The following PRPF40B variants were observed in gnomAD, a reference collection of about 807,000 sequenced individuals.
The protein encoded by PRPF40B is pre-mRNA processing factor 40B.
A neutral mutation model predicts 124.5 loss-of-function variants in PRPF40B; 56 were observed. The observed-to-expected ratio is 0.45, with a 90% CI of 0.36 to 0.56. The LOEUF (loss-of-function observed/expected upper bound fraction) is 0.56. Ranked by LOEUF, PRPF40B falls within the 20% of genes least tolerant of loss-of-function variation. PRPF40B has a pLI of 0.00. For missense variants in PRPF40B, 1,053 were observed against 1,169.5 expected (o/e 0.90, Z 1.45); for synonymous variants, 443 against 426.4 (o/e 1.04, Z -0.48).
chr12:49,643,088 CTTACAA>C, intron 22 of PRPF40B, 72 bp downstream of exon 22: 2 of 1,591,936 alleles, frequency 1.3e-6, no homozygotes, highest in Non-Finnish European at 8.6e-7. Context: ...TTGTTTTCCC[CTTACAA>C]TATCTCCCTT....
At chr12:49,628,687 C>T (rs567061407) in intron 1 of PRPF40B, among the ~76,000 whole-genome samples, 5 of 152,096 alleles carry the variant, frequency 3.3e-5, no homozygotes, top group East Asian at 3.9e-4. Context: ...CCACCTCTCC[C>T]GAGTAGCTGG....
chr12:49,632,076 C>T, intron 4 of PRPF40B, 151 bp downstream of exon 4: 1 of 760,168 alleles, frequency 1.3e-6, no homozygotes. Context: ...ATCCTTCTCG[C>T]CAGCCATGTA....
rs1165420335 is a variant in PRPF40B, at chr12:49,642,194, C to T, written c.1885-41C>T. 5.0e-6 allele frequency: 8 copies of T among 1,613,728 alleles called. No individual in the cohort carries two copies. The highest frequency in any genetic ancestry group is 1.1e-5 in the South Asian group (1 of 91,048). ...ATGCCTGAGTGGGACCTGGCATCCA[C>T]CCTCCTGGGTGACCCTGTTCCGTGT... On this transcript the variant is annotated intron_variant, in intron 19 of 25. Coordinates refer to ENST00000548825, the MANE Select transcript of PRPF40B (RefSeq NM_001031698.3). The surrounding 1 kb of genome is among the most constrained non-coding windows in gnomAD (Gnocchi z 5.8).
At chr12:49,623,079 C>A (rs1940345524), upstream of PRPF40B, among the ~76,000 whole-genome samples, 1 of 149,936 alleles carries the variant, frequency 6.7e-6, no homozygotes, top group Non-Finnish European at 1.5e-5. Flanking sequence ...TTCCAAGCTG[C>A]TGTGTGCTCA....
chr12:49,642,168 T>C lies in PRPF40B; in HGVS notation c.1885-67T>C. 1 of 1,612,862 alleles carries C rather than the reference T, an allele frequency of 6.2e-7. No homozygotes were observed. The highest frequency in any genetic ancestry group is 8.5e-7 in the Non-Finnish European group (1 of 1,179,244). On this transcript the variant is annotated intron_variant, in intron 19 of 25. Transcript: ENST00000548825. This position sits in a 1 kb window ranked among gnomAD's most constrained non-coding sequence, Gnocchi z 5.8. ...GACCCTAACTTTCCACCTCCTAAGG[T>C]ATGCCTGAGTGGGACCTGGCATCCA...
In PRPF40B at chr12:49,631,358, G is replaced by A. The variant is rs775684491; in HGVS notation, c.85-43G>A. 6 of 1,429,066 alleles carry A rather than the reference G, an allele frequency of 4.2e-6. No homozygotes were observed. Among genetic ancestry groups the A allele is most frequent in the African/African-American group, 1.5e-5 (1 of 68,696 alleles). 88.5% of individuals were successfully genotyped at this position (1,429,066 alleles called of 1,614,324 possible). On this transcript the variant is annotated intron_variant, in intron 2 of 25. Coordinates refer to ENST00000548825, the MANE Select transcript of PRPF40B (RefSeq NM_001031698.3). The surrounding 1 kb of genome is among the most constrained non-coding windows in gnomAD (Gnocchi z 4.3). ...AGGTCCTCTCTACCTCTGACAAGGC[G>A]ATGTCTTCCCTGCTCAGTATCTCTT...
chr12:49,640,563 G>C (rs1289090781), intron 18 of PRPF40B: 1 of 152,144 alleles, frequency 6.6e-6, no homozygotes, highest in Non-Finnish European at 1.5e-5. Context: ...AGGTGGCATG[G>C]GGGCAGCACA....
upstream of PRPF40B, chr12:49,622,671 C>G (rs749424723): frequency 6.6e-6 from 1 of 152,294 alleles, no homozygotes; most frequent in African/African-American, 2.4e-5. Context: ...AGGAGTTTTT[C>G]TACCTCTCCG....
At position 49,644,108 on chromosome 12, in the gene PRPF40B, G is replaced by A. The variant is rs1253193093; in HGVS notation, c.2595G>A (p.Trp865Ter). The change falls in exon 26 of 26, where the codon TGG (tryptophan) becomes TGA (stop). Residue 865 changes from tryptophan to a stop codon, truncating the protein, a stop_gained. Transcript: ENST00000548825. LOFTEE classifies it high-confidence loss of function. ...GFGIKKEKTG[W>*]DTSESELSEG... ...TGCCTTTGCTCCAACAGACAGGCTG[G>A]GACACGTCAGAAAGTGAGCTGAGTG... 6.2e-7 allele frequency: 1 copy of A among 1,614,184 alleles called. No homozygotes were observed. The highest frequency in any genetic ancestry group is 1.7e-5 in the Admixed American group (1 of 60,026).
chr12:49,634,129 C>T, intron 10 of PRPF40B, 37 bp downstream of exon 10: 4 of 1,600,494 alleles, frequency 2.5e-6, no homozygotes, highest in Non-Finnish European at 3.4e-6. Flanking sequence ...CAATGTTGGC[C>T]TCAGACTCCC....
chr12:49,642,227 T>C lies in PRPF40B; in HGVS notation c.1885-8T>C, dbSNP rs1359272087. ...GGTGACCCTGTTCCGTGTCCCTTCT[T>C]TCCTCAGCTGCTGGAGAAAGCAGAG... On this transcript the variant is annotated splice_region_variant and splice_polypyrimidine_tract_variant and intron_variant, in intron 19 of 25. Transcript: ENST00000548825. The surrounding 1 kb of genome is among the most constrained non-coding windows in gnomAD (Gnocchi z 5.8). 6.2e-7 allele frequency: 1 copy of C among 1,614,122 alleles called. No individual in the cohort carries two copies. The highest frequency in any genetic ancestry group is 8.5e-7 in the Non-Finnish European group (1 of 1,180,000).
In PRPF40B at chr12:49,644,323, C is replaced by A; in HGVS notation, c.*131C>A. The stretch of plus-strand genomic sequence containing the variant: ...TTCTAAAGTAACCCCACCCCCAGCA[C>A]ACCATTGTTGGCACCTCTCAAGGTT... On this transcript the variant is annotated 3_prime_UTR_variant, in exon 26 of 26. Coordinates refer to ENST00000548825, the MANE Select transcript of PRPF40B (RefSeq NM_001031698.3). 1.9e-6 allele frequency: 2 copies of A among 1,027,170 alleles called. No homozygotes were observed. The highest frequency in any genetic ancestry group is 2.9e-6 in the Non-Finnish European group (2 of 685,112). 63.6% of individuals were successfully genotyped at this position (1,027,170 alleles called of 1,614,324 possible). A position where few individuals can be genotyped will look rare whatever the true frequency, so the allele number is the denominator to read the frequency against.
At chr12:49,623,474 G>A (rs1454658746), upstream of PRPF40B, 4 of 1,145,790 alleles carry the variant, frequency 3.5e-6, no homozygotes, top group African/African-American at 3.2e-5. Context: ...CCGGAGCCCC[G>A]GCCACGAAGG....
chr12:49,636,882 AG>A (rs769706835), intron 16 of PRPF40B, 33 bp downstream of exon 16: 1 of 1,612,390 alleles, frequency 6.2e-7, no homozygotes, highest in Admixed American at 1.7e-5. Flanking sequence ...ATCAGAGCTC[AG>A]CTCTGCCCTA....
intron 4 of PRPF40B, 93 bp downstream of exon 4, chr12:49,632,018 C>A: frequency 7.9e-7 from 1 of 1,261,434 alleles, no homozygotes; most frequent in Non-Finnish European, 1.2e-6. Flanking sequence ...TTCTTTCCCT[C>A]TTCTCATCGC....
chr12:49,643,137 G>A, intron 22 of PRPF40B, 86 bp from the exon 23 acceptor site: 1 of 1,589,436 alleles, frequency 6.3e-7, no homozygotes, highest in Non-Finnish European at 8.6e-7. Context: ...TTGGCCCTGG[G>A]TCCTCCTCCT....
rs1940398450 is a variant in PRPF40B, at chr12:49,623,608, C to T, written c.3+15C>T. 8 of 1,230,968 alleles carry T rather than the reference C, an allele frequency of 6.5e-6. No homozygotes were observed. Among genetic ancestry groups the T allele is most frequent in the Non-Finnish European group, 8.1e-6 (8 of 987,564 alleles). 76.3% of individuals were successfully genotyped at this position (1,230,968 alleles called of 1,614,324 possible). A position where few individuals can be genotyped will look rare whatever the true frequency, so the allele number is the denominator to read the frequency against. ...GCTCTGGCATGGTAACATCCCCGCG[C>T]GGGGGTGGAGGGGCTCGGGGCGGTC... On this transcript the variant is annotated intron_variant, in intron 1 of 25. Coordinates refer to ENST00000548825, the MANE Select transcript of PRPF40B (RefSeq NM_001031698.3).
At chr12:49,633,315 A>G in intron 7 of PRPF40B, 112 bp from the exon 8 acceptor site, 1 of 1,467,884 alleles carries the variant, frequency 6.8e-7, no homozygotes, top group East Asian at 2.3e-5. Context: ...GAACCAGGCC[A>G]GGTGGTAGCT....
chr12:49,634,805 A>C (rs1025273794), intron 12 of PRPF40B: 2 of 649,428 alleles, frequency 3.1e-6, no homozygotes, highest in Admixed American at 2.9e-5. Context: ...CGTTCAATAA[A>C]TGCTTCCTGA....
Sources: gnomAD v4.1 joint callset for allele counts (sites outside exome capture counted in the v4.1 genomes callset) on GRCh38, gnomAD v4.1.1 for gene constraint, Gnocchi (gnomAD v3.1) non-coding constraint, MANE v1.5 for transcripts, NCBI Gene and HGNC (gene_info 2026-07-23, HGNC 2026-07-21) for gene names.